Variants in HS2ST1 observed in about 807,000 individuals in gnomAD.
HS2ST1 encodes the protein 2-O-sulfotransferase.
HS2ST1 carries 18 observed loss-of-function variants against 42.9 expected under a neutral mutation model. The ratio of observed to expected loss-of-function variants is 0.42; its 90% confidence interval spans 0.29 to 0.62. HS2ST1 has a LOEUF of 0.62. Ranked by LOEUF, HS2ST1 falls within the 20% of genes least tolerant of loss-of-function variation. HS2ST1 has a pLI of 0.21. For missense variants in HS2ST1, 334 were observed against 433.8 expected, an observed-to-expected ratio of 0.77 and a Z score of 2.04; for synonymous variants, 146 against 152.9, an observed-to-expected ratio of 0.95 and a Z score of 0.33.
At chr1:87,086,635 G>A (rs987016959) in intron 3 of HS2ST1, among the ~76,000 whole-genome samples, 9 of 151,892 alleles carry the variant, frequency 5.9e-5, no homozygotes, top group Non-Finnish European at 1.5e-5. Context: ...AGTTTAGCCC[G>A]ACCACGAAGA....
At chr1:87,045,518 A>C (rs1026514746) in intron 1 of HS2ST1, 2 of 850,878 alleles carry the variant, frequency 2.4e-6, no homozygotes, top group Non-Finnish European at 2.1e-6. Context: ...GCTTGCTGGC[A>C]CATATGTAAC....
At chr1:87,038,703 T>C in intron 1 of HS2ST1, among the ~76,000 whole-genome samples, 2 of 152,280 alleles carry the variant, frequency 1.3e-5, no homozygotes, top group South Asian at 4.1e-4. Flanking sequence ...GTCCTAATAT[T>C]TGTGTAAAAA....
At chr1:87,039,465 G>A (rs1650467681) in intron 1 of HS2ST1, among the ~76,000 whole-genome samples, 1 of 152,268 alleles carries the variant, frequency 6.6e-6, no homozygotes, top group East Asian at 1.9e-4. Flanking sequence ...GTGCATTCCA[G>A]CCCCACTGCA....
intron 1 of HS2ST1, among the ~76,000 whole-genome samples, chr1:86,985,497 CACATATATACACATATATAT>C (rs1648750554): frequency 1.4e-5 from 1 of 69,816 alleles, no homozygotes; most frequent in Non-Finnish European, 3.2e-5. Context: ...CATATATATA[CACATATATACACATATATAT>C]ACACATATAT....
intron 1 of HS2ST1, among the ~76,000 whole-genome samples, chr1:86,998,730 T>G (rs543583008): frequency 4.0e-4 from 61 of 152,342 alleles, no homozygotes; most frequent in African/African-American, 1.4e-3. Flanking sequence ...GCATTTTCTA[T>G]TGAACTTTTC....
chr1:86,990,834 ATATTTT>A (rs1186138904), intron 1 of HS2ST1, among the ~76,000 whole-genome samples: 4 of 18,212 alleles, frequency 2.2e-4, no homozygotes, highest in African/African-American at 3.8e-4. Context: ...ATATATATAT[ATATTTT>A]TTTTTTTTTT....
At chr1:87,093,628 G>A (rs113444161) in intron 4 of HS2ST1, among the ~76,000 whole-genome samples, 26 of 152,182 alleles carry the variant, frequency 1.7e-4, no homozygotes, top group African/African-American at 5.3e-4. Flanking sequence ...ATTTCCTGAA[G>A]CATATATTTA....
chr1:87,045,256 G>A, intron 1 of HS2ST1: 1 of 1,088,514 alleles, frequency 9.2e-7, no homozygotes, highest in Non-Finnish European at 1.4e-6. Flanking sequence ...CACTATGAAG[G>A]ATGTTGATCA....
At chr1:87,000,231 T>G (rs948308469) in intron 1 of HS2ST1, among the ~76,000 whole-genome samples, 14 of 152,158 alleles carry the variant, frequency 9.2e-5, no homozygotes, top group African/African-American at 2.4e-5. Flanking sequence ...CCTTATCAAA[T>G]GTACAGGTAA....
intron 1 of HS2ST1, among the ~76,000 whole-genome samples, chr1:86,956,194 T>C (rs996065314): frequency 4.6e-5 from 7 of 152,218 alleles, no homozygotes; most frequent in Non-Finnish European, 8.8e-5. Flanking sequence ...TTTACTGGGG[T>C]GGATCTGCTG....
chr1:86,947,310 A>G (rs1394650419), intron 1 of HS2ST1, among the ~76,000 whole-genome samples: 1 of 152,374 alleles, frequency 6.6e-6, no homozygotes, highest in East Asian at 1.9e-4. Context: ...GCATTATATT[A>G]TATTAGACCA....
intron 1 of HS2ST1, among the ~76,000 whole-genome samples, chr1:87,057,010 C>A (rs1222715645): frequency 6.6e-6 from 1 of 152,062 alleles, no homozygotes; most frequent in Non-Finnish European, 1.5e-5. Flanking sequence ...TTCATTGACT[C>A]CAACCCAAAT....
chr1:87,043,732 A>G (rs988637399), intron 1 of HS2ST1, among the ~76,000 whole-genome samples: 1 of 152,132 alleles, frequency 6.6e-6, no homozygotes, highest in Non-Finnish European at 1.5e-5. Context: ...CTGAAACATG[A>G]CCTTACTAAA....
chr1:87,093,280 C>CT (rs1218936636), intron 4 of HS2ST1, among the ~76,000 whole-genome samples: 1 of 152,088 alleles, frequency 6.6e-6, no homozygotes, highest in Non-Finnish European at 1.5e-5. Context: ...CCTAGCTCTC[C>CT]TGTCTGATTT....
intron 1 of HS2ST1, among the ~76,000 whole-genome samples, chr1:86,942,890 C>T (rs1164137458): frequency 6.6e-6 from 1 of 151,834 alleles, no homozygotes; most frequent in Non-Finnish European, 1.5e-5. Context: ...TTTTATATCT[C>T]TTAGGCTTGA....
intron 3 of HS2ST1, among the ~76,000 whole-genome samples, chr1:87,087,448 T>G (rs1271574207): frequency 6.6e-6 from 1 of 152,076 alleles, no homozygotes; most frequent in East Asian, 1.9e-4. Flanking sequence ...GAAATGAGAA[T>G]GAGTTTTCAT....
At chr1:86,945,890 A>G (rs1353051704) in intron 1 of HS2ST1, among the ~76,000 whole-genome samples, 2 of 152,156 alleles carry the variant, frequency 1.3e-5, no homozygotes, top group Admixed American at 6.5e-5. Context: ...GCAGCATGGC[A>G]AAACCTGGTC....
At chr1:86,971,495 G>A (rs61771705) in intron 1 of HS2ST1, among the ~76,000 whole-genome samples, 2 of 152,028 alleles carry the variant, frequency 1.3e-5, no homozygotes, top group East Asian at 1.9e-4. Context: ...GTTTTATTAT[G>A]TACTCAGCTT....
intron 4 of HS2ST1, among the ~76,000 whole-genome samples, chr1:87,097,462 C>G (rs1314252406): frequency 6.6e-6 from 1 of 152,110 alleles, no homozygotes; most frequent in African/African-American, 2.4e-5. Flanking sequence ...GTCTCCATCT[C>G]GGCTCACTGC....
Sources: allele counts gnomAD v4.1 joint callset (sites outside exome capture counted in the v4.1 genomes callset), GRCh38; gene constraint gnomAD v4.1.1; transcripts MANE v1.5; gene names NCBI Gene and HGNC (gene_info 2026-07-23, HGNC 2026-07-21).